The following COL4A5 variants were observed in gnomAD, a reference collection of about 807,000 sequenced individuals.
The protein encoded by COL4A5 is collagen type IV alpha 5 chain, also known as collagen alpha-5(IV) chain.
COL4A5 carries 26 observed loss-of-function variants against 130.2 expected under a neutral mutation model. That is an observed-to-expected ratio of 0.20 (90% CI 0.15 to 0.28). COL4A5 has a LOEUF of 0.28. Ranked by LOEUF, COL4A5 falls within the 10% of genes least tolerant of loss-of-function variation. The pLI is 1.00. For synonymous variants in COL4A5, 496 were observed against 439.6 expected (o/e 1.13, Z -1.60); for missense variants, 1,131 against 1,344.3 (o/e 0.84, Z 2.48).
At chrX:108,447,766 A>C (rs5929126) in intron 1 of COL4A5, among the ~76,000 whole-genome samples, 3,062 of 111,867 alleles carry the variant, frequency 0.027, 55 homozygotes, top group Non-Finnish European at 0.044. Flanking sequence ...TTACAAATGT[A>C]ATCATTCCAT....
At chrX:108,605,147 G>A (rs1430250980) in intron 28 of COL4A5, among the ~76,000 whole-genome samples, 2 of 111,932 alleles carry the variant, frequency 1.8e-5, no homozygotes, top group African/African-American at 6.5e-5. Context: ...TCACAACTTG[G>A]CTAACTGTTT....
At chrX:108,510,960 C>T (rs2065174544) in intron 1 of COL4A5, among the ~76,000 whole-genome samples, 1 of 111,281 alleles carries the variant, frequency 9.0e-6, no homozygotes, top group Middle Eastern at 4.7e-3. Flanking sequence ...TCATCTCATA[C>T]CTTTATTATT....
intron 1 of COL4A5, among the ~76,000 whole-genome samples, chrX:108,446,927 T>A (rs1286699341): frequency 1.8e-5 from 2 of 111,552 alleles, no homozygotes; most frequent in Non-Finnish European, 3.8e-5. Context: ...GGGCTTAAAT[T>A]TTAATTTTGT....
chrX:108,570,057 T>C (rs2066038909), intron 6 of COL4A5, among the ~76,000 whole-genome samples: 1 of 111,903 alleles, frequency 8.9e-6, no homozygotes, highest in Non-Finnish European at 1.9e-5. Flanking sequence ...CTATTTTGCA[T>C]TACAGTGGCC....
intron 1 of COL4A5, among the ~76,000 whole-genome samples, chrX:108,505,774 T>C (rs1028504506): frequency 7.1e-5 from 8 of 112,267 alleles, no homozygotes; most frequent in Non-Finnish European, 7.5e-5. Flanking sequence ...TACAATATTT[T>C]GTTTTGGTAG....
At chrX:108,451,746 C>G (rs1424475564) in intron 1 of COL4A5, among the ~76,000 whole-genome samples, 1 of 109,262 alleles carries the variant, frequency 9.2e-6, no homozygotes, top group African/African-American at 3.3e-5. Flanking sequence ...TGGATATTAG[C>G]CCTTTGTCAG....
intron 49 of COL4A5, chrX:108,689,545 C>T (rs947658000): frequency 1.3e-5 from 10 of 754,312 alleles, no homozygotes; most frequent in Non-Finnish European, 1.6e-5. Context: ...AGGCCTCAGA[C>T]ACAGGAAGGC....
intron 28 of COL4A5, among the ~76,000 whole-genome samples, chrX:108,605,922 T>A (rs186201664): frequency 8.9e-6 from 1 of 112,393 alleles, no homozygotes; most frequent in Non-Finnish European, 1.9e-5. Context: ...GTGTTTGAGT[T>A]ACTTTTCATT....
intron 31 of COL4A5, among the ~76,000 whole-genome samples, chrX:108,621,052 CTCTTTTCTTTCTT>C (rs1347801794): frequency 2.7e-5 from 3 of 109,199 alleles, no homozygotes; most frequent in Non-Finnish European, 3.8e-5. Flanking sequence ...CTCTTTCTTT[CTCTTTTCTTTCTT>C]TCTTTTCTTT....
intron 38 of COL4A5, 52 bp downstream of exon 38, chrX:108,665,639 A>G (rs1294538406): frequency 2.2e-6 from 2 of 919,532 alleles, no homozygotes; most frequent in Admixed American, 4.8e-5. Flanking sequence ...TGTTTATCAT[A>G]TTAAGTTTGG....
chrX:108,617,167 T>C (rs1011755705), intron 30 of COL4A5, among the ~76,000 whole-genome samples: 1 of 111,063 alleles, frequency 9.0e-6, no homozygotes, highest in Non-Finnish European at 1.9e-5. Flanking sequence ...TCTAAGTAAA[T>C]TTTACTTACA....
chrX:108,643,462 G>A (rs2067510366), intron 36 of COL4A5, among the ~76,000 whole-genome samples: 2 of 111,345 alleles, frequency 1.8e-5, no homozygotes, highest in Non-Finnish European at 3.8e-5. Flanking sequence ...GAGCTGTGAG[G>A]CAAAAGCACC....
intron 37 of COL4A5, among the ~76,000 whole-genome samples, chrX:108,656,578 C>T (rs1376714124): frequency 3.6e-5 from 4 of 111,754 alleles, no homozygotes; most frequent in Non-Finnish European, 7.5e-5. Context: ...GTAGATGCTG[C>T]CAAACAGTTT....
At position 108,597,429 on chromosome X, in the gene COL4A5, C is replaced by G; in HGVS notation, c.1640C>G (p.Pro547Arg). 8.3e-7 allele frequency: 1 copy of G among 1,210,691 alleles called. No individual in the cohort carries two copies. The highest frequency in any genetic ancestry group is 1.1e-6 in the Non-Finnish European group (1 of 895,078). The change falls in exon 24 of 53, where the codon CCT becomes CGT. Residue 547 changes from proline to arginine, a missense_variant. Transcript: ENST00000328300. ...GGCTTTCCTGGATCTAAAGGTGAAC[C>G]TGGTGATATCCTCACTTTTCCAGGA... ...APGFPGSKGE[P>R]GDILTFPGMK... is the part of the protein sequence containing the mutation.
At chrX:108,670,377 T>C in intron 42 of COL4A5, 141 bp downstream of exon 42, 1 of 1,029,840 alleles carries the variant, frequency 9.7e-7, no homozygotes, top group African/African-American at 1.9e-5. Flanking sequence ...CTCTTTAAGT[T>C]TTTAGGAACT....
intron 45 of COL4A5, 41 bp downstream of exon 45, chrX:108,680,792 T>G: frequency 8.4e-7 from 1 of 1,186,809 alleles, no homozygotes. Context: ...TATATTAAAC[T>G]CCTCTGGGAC....
intron 1 of COL4A5, among the ~76,000 whole-genome samples, chrX:108,524,513 A>T (rs1373000170): frequency 9.1e-6 from 1 of 109,374 alleles, no homozygotes; most frequent in Non-Finnish European, 1.9e-5. Context: ...TTTCAGCTCA[A>T]ATCTTTATTA....
chrX:108,455,340 T>A (rs1454561847), intron 1 of COL4A5, among the ~76,000 whole-genome samples: 1 of 112,101 alleles, frequency 8.9e-6, no homozygotes, highest in East Asian at 2.8e-4. Context: ...GACATTTGGG[T>A]TGTTTTTTGT....
chrX:108,517,670 T>A (rs1043387053), intron 1 of COL4A5, among the ~76,000 whole-genome samples: 24 of 111,594 alleles, frequency 2.2e-4, no homozygotes, highest in African/African-American at 7.8e-4. Flanking sequence ...CTGTGATCCT[T>A]ACTTATGTTT....
Sources: allele counts gnomAD v4.1 joint callset (sites outside exome capture counted in the v4.1 genomes callset), GRCh38; gene constraint gnomAD v4.1.1; transcripts MANE v1.5; gene names NCBI Gene and HGNC (gene_info 2026-07-23, HGNC 2026-07-21).